Variants in MOB3B observed in about 807,000 individuals in gnomAD.
MOB3B encodes the protein MOB kinase activator-like 2B.
MOB3B carries 7 observed loss-of-function variants against 18.7 expected under a neutral mutation model. The ratio of observed to expected loss-of-function variants is 0.37; its 90% CI spans 0.21 to 0.70. MOB3B has a LOEUF of 0.70. Among genes scored for constraint, MOB3B ranks in the 30% least tolerant of loss-of-function variants. The probability of loss-of-function intolerance (pLI) is 0.52; values close to 1 mark genes in which losing one functional copy is unlikely to be tolerated. For synonymous variants in MOB3B, 111 were observed against 99.9 expected (o/e 1.11, Z -0.66); for missense variants, 253 against 281.3 (o/e 0.90, Z 0.72).
intron 2 of MOB3B, among the ~76,000 whole-genome samples, chr9:27,449,439 C>T (rs1306703593): frequency 5.9e-5 from 9 of 152,116 alleles, no homozygotes; most frequent in Admixed American, 2.0e-4. Flanking sequence ...TCATTTAATC[C>T]TTACAACAGT....
intron 1 of MOB3B, among the ~76,000 whole-genome samples, chr9:27,493,744 G>A (rs575464383): frequency 3.6e-4 from 55 of 152,276 alleles, no homozygotes; most frequent in Non-Finnish European, 7.4e-4. Flanking sequence ...CAGCCGAGGA[G>A]GATGTATATC....
chr9:27,507,918 G>A (rs1820083979), intron 1 of MOB3B, among the ~76,000 whole-genome samples: 1 of 152,134 alleles, frequency 6.6e-6, no homozygotes, highest in South Asian at 2.1e-4. Context: ...GATTAAAGCT[G>A]GTAATTACAA....
intron 1 of MOB3B, among the ~76,000 whole-genome samples, chr9:27,521,134 G>C (rs1820318312): frequency 6.6e-6 from 1 of 152,182 alleles, no homozygotes; most frequent in South Asian, 2.1e-4. Context: ...GAACATGCCT[G>C]CTTCTTCAAC....
intron 3 of MOB3B, among the ~76,000 whole-genome samples, chr9:27,355,562 C>CT (rs11339453): frequency 0.099 from 13,123 of 131,930 alleles, 797 homozygotes; most frequent in African/African-American, 0.16. Context: ...TCTTTTTCTT[C>CT]TTTTTTTTTT....
At chr9:27,337,626 G>A (rs1224897512) in intron 3 of MOB3B, among the ~76,000 whole-genome samples, 2 of 152,214 alleles carry the variant, frequency 1.3e-5, no homozygotes, top group South Asian at 4.1e-4. Flanking sequence ...GGAGTGATGA[G>A]GATGAGACCA....
At chr9:27,330,785 G>C (rs1027009388) in intron 3 of MOB3B, among the ~76,000 whole-genome samples, 169 bp from the exon 4 acceptor site, 9 of 135,724 alleles carry the variant, frequency 6.6e-5, no homozygotes, top group Non-Finnish European at 1.1e-4. Flanking sequence ...TGTTTGTTCT[G>C]CAGAATTTTT....
intron 1 of MOB3B, among the ~76,000 whole-genome samples, chr9:27,514,650 T>C (rs1363129544): frequency 1.3e-5 from 2 of 152,220 alleles, no homozygotes; most frequent in African/African-American, 4.8e-5. Flanking sequence ...TCTTTCCACA[T>C]TGAACACCCC....
chr9:27,524,626 T>A lies in MOB3B; in HGVS notation c.-199+4929A>T, dbSNP rs34933275. 3.8e-3 allele frequency: 6,187 copies of A among 1,614,058 alleles called. 217 individuals are homozygous for A. The African/African-American group carries it at 0.071, about 18-fold the overall frequency. ...GAAATGTCCCTACAGGCCTTCAACA[T>A]CTTCAGCCAACACACCTTCAAATAT... On this transcript the variant is annotated intron_variant, in intron 1 of 3. Coordinates refer to ENST00000262244, the MANE Select transcript of MOB3B (RefSeq NM_024761.5).
intron 2 of MOB3B, among the ~76,000 whole-genome samples, chr9:27,398,807 T>A (rs1330706096): frequency 6.6e-6 from 1 of 152,216 alleles, no homozygotes; most frequent in Non-Finnish European, 1.5e-5. Flanking sequence ...ATAATCTGAA[T>A]TTACTAAGAG....
At chr9:27,468,015 G>A (rs540972369) in intron 1 of MOB3B, among the ~76,000 whole-genome samples, 12 of 152,356 alleles carry the variant, frequency 7.9e-5, no homozygotes, top group African/African-American at 2.9e-4. Flanking sequence ...GTGCAGAGTG[G>A]CTTGGCTATG....
chr9:27,413,562 C>T (rs191453914), intron 2 of MOB3B, among the ~76,000 whole-genome samples: 6 of 152,242 alleles, frequency 3.9e-5, no homozygotes, highest in East Asian at 1.9e-4. Context: ...AACTTACTCT[C>T]GGCTATTTTG....
At chr9:27,490,576 G>C (rs1430577448) in intron 1 of MOB3B, among the ~76,000 whole-genome samples, 1 of 152,196 alleles carries the variant, frequency 6.6e-6, no homozygotes, top group Non-Finnish European at 1.5e-5. Flanking sequence ...CATGTGCAAA[G>C]ACATGTAGTG....
At chr9:27,384,999 C>T (rs1283429313) in intron 2 of MOB3B, among the ~76,000 whole-genome samples, 1 of 152,142 alleles carries the variant, frequency 6.6e-6, no homozygotes, top group East Asian at 1.9e-4. Flanking sequence ...GCAGGATGAA[C>T]ATTTGGGGAC....
At chr9:27,387,433 C>T (rs1308684035) in intron 2 of MOB3B, among the ~76,000 whole-genome samples, 1 of 152,204 alleles carries the variant, frequency 6.6e-6, no homozygotes, top group Non-Finnish European at 1.5e-5. Context: ...GGGTAGGTCA[C>T]TGCACTTCAG....
chr9:27,517,113 G>A (rs1354383254), intron 1 of MOB3B, among the ~76,000 whole-genome samples: 1 of 152,056 alleles, frequency 6.6e-6, no homozygotes, highest in Non-Finnish European at 1.5e-5. Context: ...TAACTTCTAA[G>A]TAATTGTCTT....
At chr9:27,448,057 G>T (rs1285305465) in intron 2 of MOB3B, among the ~76,000 whole-genome samples, 1 of 152,102 alleles carries the variant, frequency 6.6e-6, no homozygotes, top group Non-Finnish European at 1.5e-5. Flanking sequence ...CCTTCGAGAG[G>T]ATTTAACATG....
chr9:27,371,489 G>C (rs531595044), intron 2 of MOB3B, among the ~76,000 whole-genome samples: 6 of 152,184 alleles, frequency 3.9e-5, no homozygotes, highest in South Asian at 2.1e-4. Context: ...GTAAGATCCC[G>C]CGAAGGTAAG....
At chr9:27,377,008 G>A (rs80315309) in intron 2 of MOB3B, among the ~76,000 whole-genome samples, 3,264 of 152,254 alleles carry the variant, frequency 0.021, 118 homozygotes, top group African/African-American at 0.074. Flanking sequence ...TTAGCTACAC[G>A]ATCTTGGGCA....
chr9:27,406,971 T>G lies in MOB3B; in HGVS notation c.419-47735A>C, dbSNP rs1261386750. ...CTCCTGCCTCAGCCTCCTGAGTAGC[T>G]GGAATTACAGGCAGCTGCCACCATG... On this transcript the variant is annotated intron_variant, in intron 2 of 3. Transcript: ENST00000262244. Among the ~76,000 whole-genome samples the G allele has an allele frequency of 2.0e-5, 3 of 152,230 alleles. No homozygotes were observed. In the East Asian group the frequency reaches 5.8e-4, roughly 29 times the overall value.
Sources: allele counts gnomAD v4.1 joint callset (sites outside exome capture counted in the v4.1 genomes callset), GRCh38; gene constraint gnomAD v4.1.1; transcripts MANE v1.5; gene names NCBI Gene and HGNC (gene_info 2026-07-23, HGNC 2026-07-21).